Variants in CDKN2B-AS1 observed in about 807,000 individuals in gnomAD.
CDKN2B-AS1 encodes CDKN2B antisense RNA 1 (non-protein coding).
At chr9:22,104,194 T>C (rs1371828986) in intron 4 of CDKN2B-AS1, among the ~76,000 whole-genome samples, 1 of 152,166 alleles carries the variant, frequency 6.6e-6, no homozygotes, top group Non-Finnish European at 1.5e-5. Context: ...TGCCACCATA[T>C]GGCATTGCCA....
At chr9:22,113,011 A>G (rs952909021) in intron 4 of CDKN2B-AS1, among the ~76,000 whole-genome samples, 2 of 152,192 alleles carry the variant, frequency 1.3e-5, no homozygotes, top group African/African-American at 4.8e-5. Flanking sequence ...ATAGTGACGA[A>G]GTGAGAAAAC....
intron 4 of CDKN2B-AS1, among the ~76,000 whole-genome samples, chr9:22,070,343 A>C (rs1489031301): frequency 2.6e-5 from 4 of 152,178 alleles, no homozygotes; most frequent in Non-Finnish European, 5.9e-5. Context: ...ATAATATATA[A>C]TTGTATTATA....
chr9:22,086,924 C>T (rs1161819294), intron 4 of CDKN2B-AS1, among the ~76,000 whole-genome samples: 1 of 152,196 alleles, frequency 6.6e-6, no homozygotes, highest in African/African-American at 2.4e-5. Flanking sequence ...CTGTGCCCCT[C>T]CAGAATTGTT....
intron 1 of CDKN2B-AS1, chr9:22,009,008 TAAC>T: frequency 6.2e-7 from 1 of 1,611,044 alleles, no homozygotes; most frequent in Non-Finnish European, 8.5e-7. Context: ...GCCGTAAACT[TAAC>T]GACACTCTTC....
rs1820879784 is a variant in CDKN2B-AS1, at chr9:22,000,659, A to G, written n.29+5498A>G. 6.6e-6 allele frequency among the ~76,000 whole-genome samples: 1 copy of G among 152,196 alleles called. No homozygotes were observed. The highest frequency in any genetic ancestry group is 2.1e-4 in the South Asian group (1 of 4,832). Reference sequence around the variant, plus strand: ...TCTAGAAGAAAACTCTGTGTTGACAATAATCTGCTGACTTGTCTGTGGGTT... The same window carrying G: ...TCTAGAAGAAAACTCTGTGTTGACAGTAATCTGCTGACTTGTCTGTGGGTT... On this transcript the variant is annotated intron_variant and non_coding_transcript_variant, in intron 1 of 4. Coordinates refer to ENST00000650946, the Ensembl canonical transcript of CDKN2B-AS1. The surrounding 1 kb of genome is among the most constrained non-coding windows in gnomAD (Gnocchi z 4.1).
At chr9:22,023,734 C>T (rs1464231401) in intron 1 of CDKN2B-AS1, among the ~76,000 whole-genome samples, 1 of 152,146 alleles carries the variant, frequency 6.6e-6, no homozygotes, top group Non-Finnish European at 1.5e-5. Context: ...GTTGAGAGTC[C>T]GTATCAAAAG....
chr9:22,042,165 G>C (rs1301400767), intron 1 of CDKN2B-AS1, among the ~76,000 whole-genome samples: 1 of 152,000 alleles, frequency 6.6e-6, no homozygotes, highest in Admixed American at 6.6e-5. Context: ...GTGAATTTGG[G>C]CTTCAGAAGT....
At chr9:22,008,690 A>G (rs1357628656) in intron 1 of CDKN2B-AS1, 1 of 1,609,976 alleles carries the variant, frequency 6.2e-7, no homozygotes, top group Non-Finnish European at 8.5e-7. Context: ...GCCAACGGAG[A>G]CTCCTGTACA....
chr9:22,046,823 C>G (rs1823129905), exon 2 of CDKN2B-AS1: 1 of 152,110 alleles, frequency 6.6e-6, no homozygotes, highest in Admixed American at 6.5e-5. Flanking sequence ...CTTCTGTTTT[C>G]TGGCCACCAG....
intron 1 of CDKN2B-AS1, among the ~76,000 whole-genome samples, chr9:22,020,088 C>T (rs765313148): frequency 7.2e-5 from 11 of 152,238 alleles, no homozygotes; most frequent in Admixed American, 2.6e-4. Context: ...GTGTTCTCAT[C>T]ATTTATCTTC....
chr9:22,076,417 G>T (rs1473942834), intron 4 of CDKN2B-AS1, among the ~76,000 whole-genome samples: 1 of 152,132 alleles, frequency 6.6e-6, no homozygotes, highest in African/African-American at 2.4e-5. Context: ...GAACAGGGTT[G>T]TCTAATCAAA....
chr9:22,073,595 T>C (rs1389503718), intron 4 of CDKN2B-AS1, among the ~76,000 whole-genome samples: 4 of 152,186 alleles, frequency 2.6e-5, no homozygotes, highest in Non-Finnish European at 5.9e-5. Flanking sequence ...CAAAATAACC[T>C]GTTTTGCAGC....
At chr9:22,114,513 G>A (rs1181699418) in intron 4 of CDKN2B-AS1, among the ~76,000 whole-genome samples, 1 of 152,174 alleles carries the variant, frequency 6.6e-6, no homozygotes, top group South Asian at 2.1e-4. Context: ...AGAAAGGAGA[G>A]GAAGGCAAAG....
chr9:22,109,335 T>C (rs776660906), intron 4 of CDKN2B-AS1, among the ~76,000 whole-genome samples: 18 of 152,224 alleles, frequency 1.2e-4, no homozygotes, highest in Non-Finnish European at 2.5e-4. Context: ...GTTGAGGGGA[T>C]TCGTCTGTAC....
chr9:22,125,515 A>G (rs1818003246), intron 4 of CDKN2B-AS1, among the ~76,000 whole-genome samples: 2 of 152,236 alleles, frequency 1.3e-5, no homozygotes, highest in African/African-American at 4.8e-5. Flanking sequence ...AAAAGCAGCC[A>G]CTCGCAGAGG....
chr9:22,029,372 G>A (rs1822371349), intron 1 of CDKN2B-AS1: 3 of 773,762 alleles, frequency 3.9e-6, no homozygotes, highest in Non-Finnish European at 7.2e-6. Flanking sequence ...GGAATGTTTA[G>A]TCTGAATCTA....
chr9:22,049,010 C>T (rs546822933), intron 2 of CDKN2B-AS1: 4 of 152,156 alleles, frequency 2.6e-5, no homozygotes, highest in South Asian at 2.1e-4. Flanking sequence ...CTATTAGTAT[C>T]AATCTTAATT....
At chr9:22,048,087 G>A (rs993731275) in intron 2 of CDKN2B-AS1, among the ~76,000 whole-genome samples, 2 of 151,910 alleles carry the variant, frequency 1.3e-5, no homozygotes, top group Non-Finnish European at 2.9e-5. Flanking sequence ...GAGTCAGTGC[G>A]CCTGACCTGG....
intron 1 of CDKN2B-AS1, among the ~76,000 whole-genome samples, chr9:22,022,126 A>G (rs1251015094): frequency 1.3e-5 from 2 of 151,850 alleles, no homozygotes; most frequent in African/African-American, 4.8e-5. Flanking sequence ...AAGAATGTAG[A>G]TTCTGTTGTT....
Sources: allele counts gnomAD v4.1 joint callset (sites outside exome capture counted in the v4.1 genomes callset), GRCh38; gene constraint gnomAD v4.1.1; non-coding constraint Gnocchi (gnomAD v3.1); transcripts MANE v1.5; gene names NCBI Gene and HGNC (gene_info 2026-07-23, HGNC 2026-07-21).